ZNF254: variants seen among roughly 807,000 people sequenced by gnomAD.
ZNF254 encodes zinc finger protein 254, also known as CTD-2017D11.1.
In ZNF254, 10 loss-of-function variants were observed where a neutral mutation model predicts 12.4. The observed-to-expected ratio is 0.80, with a 90% CI of 0.50 to 1.36. The LOEUF (loss-of-function observed/expected upper bound fraction) is 1.36. ZNF254 is among the 40% of genes most tolerant of loss of function. The pLI, the probability that ZNF254 is intolerant of heterozygous loss-of-function variation, is 0.00. For missense variants in ZNF254, 996 were observed against 763.9 expected, an observed-to-expected ratio of 1.30 and a Z score of -3.58; for synonymous variants, 305 against 253.4, an observed-to-expected ratio of 1.20 and a Z score of -1.93.
At chr19:24,062,482 A>C (rs41344050) in intron 2 of ZNF254, among the ~76,000 whole-genome samples, 21,749 of 152,224 alleles carry the variant, frequency 0.14, 1,878 homozygotes, top group Middle Eastern at 0.23. Context: ...GTTAAATGTC[A>C]TACCTAGACT....
chr19:24,085,425 TAA>T (rs1491277949), upstream of ZNF254, among the ~76,000 whole-genome samples: 13 of 134,980 alleles, frequency 9.6e-5, 1 homozygote, highest in South Asian at 2.4e-4. Flanking sequence ...TATATATATA[TAA>T]AAACTAAGAT....
chr19:24,124,573 G>C (rs1423011250), intron 3 of ZNF254, among the ~76,000 whole-genome samples: 1 of 152,010 alleles, frequency 6.6e-6, no homozygotes, highest in Non-Finnish European at 1.5e-5. Flanking sequence ...GGTTACTTTG[G>C]AAGGTTTTTA....
At chr19:24,063,168 C>T (rs114213434) in intron 2 of ZNF254, among the ~76,000 whole-genome samples, 375 of 152,288 alleles carry the variant, frequency 2.5e-3, no homozygotes, top group African/African-American at 8.7e-3. Context: ...TTGAGACTGA[C>T]CCCTGTACTT....
intron 2 of ZNF254, among the ~76,000 whole-genome samples, chr19:24,047,236 TTCTC>T (rs988388479): frequency 2.6e-5 from 4 of 152,034 alleles, no homozygotes; most frequent in Admixed American, 2.6e-4. Context: ...TTCCCTCTGT[TTCTC>T]TCTTCCTTTT....
chr19:24,129,345 A>T lies in ZNF254; in HGVS notation c.*1365A>T, dbSNP rs1975095287. On this transcript the variant is annotated 3_prime_UTR_variant, in exon 4 of 4. Coordinates refer to ENST00000357002, the MANE Select transcript of ZNF254 (RefSeq NM_203282.4). ...CAACATTTTTAACATATTAAATACT[A>T]TTGTGAATTCAATGAAGTGTTCTTA... The T allele has an allele frequency of 6.6e-6, 1 of 152,028 alleles. No individual in the cohort carries two copies. The highest frequency in any genetic ancestry group is 6.6e-5 in the Admixed American group (1 of 15,248). The allele number at this position is 152,028 out of a possible 1,614,324, so 9.4% of individuals were successfully genotyped here. A position where few individuals can be genotyped will look rare whatever the true frequency, so the allele number is the denominator to read the frequency against.
At chr19:24,065,611 C>T (rs55762238) in intron 2 of ZNF254, 22,919 of 152,076 alleles carry the variant, frequency 0.15, 1,971 homozygotes, top group Middle Eastern at 0.23. Context: ...GTTCAGCACC[C>T]GAGTGATTTG....
upstream of ZNF254, among the ~76,000 whole-genome samples, chr19:24,085,427 A>ATATATATATATATATATATAT (rs1369362234): frequency 0.023 from 961 of 42,152 alleles, 80 homozygotes; most frequent in Admixed American, 0.055. Flanking sequence ...TATATATATA[A>ATATATATATATATATATATAT]AAACTAAGAT....
chr19:24,127,129 C>T lies in ZNF254; in HGVS notation c.1129C>T (p.Arg377Cys), dbSNP rs532366225. 5.7e-5 allele frequency: 92 copies of T among 1,613,360 alleles called. No homozygotes were observed. In the East Asian group the frequency reaches 8.0e-4, roughly 14 times the overall value. Residue 377 changes from arginine (R) to cysteine (C), a missense_variant, in exon 4 of 4, where the codon CGC becomes TGC. Physicochemically the swap from Arg to Cys is radical, Grantham distance 180. Transcript: ENST00000357002. ...TAAGATAATTCATACTGGAGAGAAA[C>T]GCTACAAATGCTTAGAATGTGGCAA... Reference protein sequence around the residue: ...THKIIHTGEKRYKCLECGKAF... With the variant: ...THKIIHTGEKCYKCLECGKAF...
intron 1 of ZNF254, among the ~76,000 whole-genome samples, chr19:24,039,370 C>G (rs951319274): frequency 1.3e-5 from 2 of 152,190 alleles, no homozygotes; most frequent in Admixed American, 6.5e-5. Context: ...GAATGCAACC[C>G]CATCTCCTAT....
At chr19:24,043,407 G>A (rs1467187305) in intron 1 of ZNF254, among the ~76,000 whole-genome samples, 1 of 152,022 alleles carries the variant, frequency 6.6e-6, no homozygotes, top group Non-Finnish European at 1.5e-5. Context: ...TACGACAGGT[G>A]CATGCCACCA....
At chr19:24,037,105 C>T (rs531070028) in intron 1 of ZNF254, among the ~76,000 whole-genome samples, 1 of 152,224 alleles carries the variant, frequency 6.6e-6, no homozygotes, top group Non-Finnish European at 1.5e-5. Context: ...TATGTCAGAA[C>T]ATAACCCTGC....
chr19:24,117,318 A>G (rs1461714425), intron 3 of ZNF254, among the ~76,000 whole-genome samples: 2 of 152,174 alleles, frequency 1.3e-5, no homozygotes, highest in Non-Finnish European at 1.5e-5. Context: ...AGAGGCAGGC[A>G]GGCCTCCTTG....
chr19:24,116,478 G>T (rs1974084012), intron 3 of ZNF254, among the ~76,000 whole-genome samples: 1 of 151,770 alleles, frequency 6.6e-6, no homozygotes, highest in African/African-American at 2.4e-5. Flanking sequence ...TTTCTTCCAG[G>T]TGATTGCATC....
chr19:24,064,565 T>A (rs1971199311), intron 2 of ZNF254: 1 of 152,264 alleles, frequency 6.6e-6, no homozygotes. Flanking sequence ...TTGCTCCTTT[T>A]GCCCAGGCTG....
chr19:24,107,241 A>G (rs1032735669), intron 3 of ZNF254: 3 of 651,934 alleles, frequency 4.6e-6, no homozygotes, highest in Non-Finnish European at 8.2e-6. Flanking sequence ...TACTGTGAAG[A>G]AAAACACTGG....
chr19:24,091,329 A>AAT (rs1376520042), intron 1 of ZNF254, among the ~76,000 whole-genome samples: 2 of 151,004 alleles, frequency 1.3e-5, no homozygotes, highest in Non-Finnish European at 2.9e-5. Context: ...AAAAAAAAAA[A>AAT]ATCTCTCTTC....
At chr19:24,071,534 C>A (rs539333864) in intron 2 of ZNF254, among the ~76,000 whole-genome samples, 9 of 152,222 alleles carry the variant, frequency 5.9e-5, no homozygotes, top group African/African-American at 1.9e-4. Flanking sequence ...TTCTCTTCTA[C>A]GTGAGCCTCA....
upstream of ZNF254, among the ~76,000 whole-genome samples, chr19:24,082,657 CA>C (rs745392053): frequency 9.1e-4 from 109 of 120,212 alleles, no homozygotes; most frequent in Middle Eastern, 4.1e-3. Context: ...CTCAAAAAAA[CA>C]AAAAAAAAAA....
At chr19:24,056,577 C>T (rs866288248) in intron 2 of ZNF254, among the ~76,000 whole-genome samples, 54 of 152,316 alleles carry the variant, frequency 3.5e-4, no homozygotes, top group Middle Eastern at 6.8e-3. Flanking sequence ...CATGAGTCTC[C>T]TGTATGGACC....
Sources: allele counts gnomAD v4.1 joint callset (sites outside exome capture counted in the v4.1 genomes callset), GRCh38; gene constraint gnomAD v4.1.1; transcripts MANE v1.5; gene names NCBI Gene and HGNC (gene_info 2026-07-23, HGNC 2026-07-21).